The following TEC variants were observed in gnomAD, a reference collection of about 807,000 sequenced individuals.
TEC encodes the protein tec protein tyrosine kinase, also known as tyrosine-protein kinase Tec.
TEC carries 72 observed loss-of-function variants against 93.0 expected under a neutral mutation model. That is an observed-to-expected ratio of 0.77 (90% CI 0.64 to 0.94). TEC has a LOEUF of 0.94. Ranked by LOEUF, TEC falls within the 40% of genes least tolerant of loss-of-function variation. The probability of loss-of-function intolerance (pLI) is 0.00; values close to 1 mark genes in which losing one functional copy is unlikely to be tolerated. For synonymous variants in TEC, 249 were observed against 247.7 expected (o/e 1.01, Z -0.05); for missense variants, 630 against 757.9 (o/e 0.83, Z 1.98).
At chr4:48,259,023 C>T (rs1375129537) in intron 1 of TEC, among the ~76,000 whole-genome samples, 1 of 152,194 alleles carries the variant, frequency 6.6e-6, no homozygotes, top group Non-Finnish European at 1.5e-5. Flanking sequence ...AAGCCATTAT[C>T]TTCTATGAGG....
chr4:48,166,135 C>T lies in TEC; in HGVS notation c.671+1643G>A, dbSNP rs553984319. 1.9e-4 allele frequency among the ~76,000 whole-genome samples: 29 copies of T among 152,264 alleles called. 1 individual carries two copies. The South Asian group carries it at 5.6e-3, about 29-fold the overall frequency. On this transcript the variant is annotated intron_variant, in intron 7 of 17. Coordinates refer to ENST00000381501, the MANE Select transcript of TEC (RefSeq NM_003215.3). Reference sequence around the variant, plus strand: ...TGAGGCTGAAGGTGTGGCCATGATGCGGGGTAGCTTTTGCAAGCCACGCAG... The same window carrying T: ...TGAGGCTGAAGGTGTGGCCATGATGTGGGGTAGCTTTTGCAAGCCACGCAG...
In TEC at chr4:48,245,892, C is replaced by T. The variant is rs368808728; in HGVS notation, c.-45-17233G>A. Among the ~76,000 whole-genome samples, 174 of 152,220 alleles carry T rather than the reference C, an allele frequency of 1.1e-3. 2 individuals are homozygous for T. In the South Asian group the frequency reaches 0.035, roughly 31 times the overall value. ...TTGGGAGGCAGAGGAGGGTAGATCA[C>T]TTGAGATCAGGAGTTTGAGACCGGC... On this transcript the variant is annotated intron_variant, in intron 1 of 17. Transcript: ENST00000381501.
chr4:48,215,706 G>A (rs544754773), intron 2 of TEC, among the ~76,000 whole-genome samples: 12 of 152,132 alleles, frequency 7.9e-5, no homozygotes, highest in South Asian at 2.1e-4. Context: ...AAAGAGCATC[G>A]GTATTTGCAA....
intron 2 of TEC, among the ~76,000 whole-genome samples, chr4:48,182,535 C>CTGTGTG (rs60434609): frequency 0.1 from 14,979 of 147,190 alleles, 805 homozygotes; most frequent in African/African-American, 0.15. Context: ...GGGCAATACT[C>CTGTGTG]TGTGTGTGTG....
rs565010876 is a variant in TEC, at chr4:48,256,215, A to G, written c.-46+13537T>C. Among the ~76,000 whole-genome samples, 19 of 152,232 alleles carry G rather than the reference A, an allele frequency of 1.2e-4. No individual in the cohort carries two copies. The East Asian group carries it at 2.5e-3, about 20-fold the overall frequency. On this transcript the variant is annotated intron_variant, in intron 1 of 17. Transcript: ENST00000381501. ...AGTAGTGCTGAGCATACAACAGAAC[A>G]ATGCCATGGGACCAACTACCAGAAT...
chr4:48,202,150 C>T (rs1722544839), intron 2 of TEC, among the ~76,000 whole-genome samples: 1 of 151,988 alleles, frequency 6.6e-6, no homozygotes, highest in Admixed American at 6.6e-5. Context: ...ACCTACCACA[C>T]TGGAACTTCT....
At chr4:48,174,796 TA>T (rs1214974268) in intron 3 of TEC, among the ~76,000 whole-genome samples, 3 of 152,206 alleles carry the variant, frequency 2.0e-5, no homozygotes, top group African/African-American at 7.2e-5. Flanking sequence ...ATATTAGGTG[TA>T]ATATTAATAG....
At chr4:48,256,895 G>A (rs1421560459) in intron 1 of TEC, among the ~76,000 whole-genome samples, 2 of 152,184 alleles carry the variant, frequency 1.3e-5, no homozygotes, top group Non-Finnish European at 2.9e-5. Flanking sequence ...TTTTGCTATA[G>A]AGCTGCGCTG....
intron 1 of TEC, among the ~76,000 whole-genome samples, chr4:48,230,099 T>TAATA (rs150714726): frequency 8.8e-4 from 122 of 137,904 alleles, no homozygotes; most frequent in African/African-American, 3.2e-3. Context: ...ATAATAATAA[T>TAATA]AATAAATAAA....
At chr4:48,179,768 C>T (rs1227141722) in intron 2 of TEC, among the ~76,000 whole-genome samples, 1 of 152,078 alleles carries the variant, frequency 6.6e-6, no homozygotes, top group Non-Finnish European at 1.5e-5. Context: ...GTGAAATGAA[C>T]AGTAGATGCA....
intron 2 of TEC, among the ~76,000 whole-genome samples, chr4:48,178,280 TAC>T (rs1036554620): frequency 8.5e-5 from 13 of 152,314 alleles, no homozygotes; most frequent in African/African-American, 2.9e-4. Context: ...CTCTCTGCTT[TAC>T]AGAGGAGACA....
intron 1 of TEC, among the ~76,000 whole-genome samples, chr4:48,250,725 C>T (rs1255304903): frequency 2.0e-5 from 3 of 152,144 alleles, no homozygotes; most frequent in African/African-American, 7.2e-5. Flanking sequence ...AGCCAGCTGG[C>T]CCCTCAAACA....
intron 2 of TEC, among the ~76,000 whole-genome samples, chr4:48,227,842 G>C (rs1191931804): frequency 3.9e-5 from 6 of 152,094 alleles, no homozygotes; most frequent in Admixed American, 6.6e-5. Flanking sequence ...AACCAGAGGT[G>C]ATTGCACATT....
At chr4:48,180,701 T>C (rs972180435) in intron 2 of TEC, among the ~76,000 whole-genome samples, 5 of 152,270 alleles carry the variant, frequency 3.3e-5, no homozygotes, top group Middle Eastern at 6.8e-3. Context: ...AGGAGGCTTG[T>C]AGGGAATGAC....
At chr4:48,137,573 T>A in intron 17 of TEC, 74 bp from the exon 18 acceptor site, 1 of 1,206,594 alleles carries the variant, frequency 8.3e-7, no homozygotes, top group Non-Finnish European at 1.2e-6. Context: ...CTCCAACTCC[T>A]AAACACAGCA....
intron 7 of TEC, among the ~76,000 whole-genome samples, chr4:48,166,687 A>C (rs1414191415): frequency 6.6e-6 from 1 of 151,986 alleles, no homozygotes; most frequent in Non-Finnish European, 1.5e-5. Context: ...GATGCTTGAA[A>C]ATTTCTACAA....
At chr4:48,158,605 A>G (rs1316707473) in intron 8 of TEC, among the ~76,000 whole-genome samples, 2 of 152,212 alleles carry the variant, frequency 1.3e-5, no homozygotes, top group African/African-American at 4.8e-5. Context: ...TGAGAGACTG[A>G]AAAAAAGTTA....
intron 1 of TEC, among the ~76,000 whole-genome samples, chr4:48,249,796 C>T (rs1724154453): frequency 6.8e-6 from 1 of 146,750 alleles, no homozygotes; most frequent in Non-Finnish European, 1.5e-5. Flanking sequence ...GAAGGCTGTA[C>T]ATGGCAGAGT....
At chr4:48,179,515 A>G (rs760350993) in intron 2 of TEC, among the ~76,000 whole-genome samples, 5 of 150,164 alleles carry the variant, frequency 3.3e-5, no homozygotes, top group Non-Finnish European at 7.4e-5. Context: ...TAGCCCCCCA[A>G]GTAGCTGGGA....
Sources: gnomAD v4.1 joint callset for allele counts (sites outside exome capture counted in the v4.1 genomes callset) on GRCh38, gnomAD v4.1.1 for gene constraint, MANE v1.5 for transcripts, NCBI Gene and HGNC (gene_info 2026-07-23, HGNC 2026-07-21) for gene names.